Variants in BUD13 observed in about 807,000 individuals in gnomAD.
The protein encoded by BUD13 is BUD13 spliceosome associated protein, also known as BUD13 homolog.
In BUD13, 47 loss-of-function variants were observed where a neutral mutation model predicts 62.5. That is an observed-to-expected ratio of 0.75 (90% CI 0.60 to 0.96). The LOEUF (loss-of-function observed/expected upper bound fraction) is 0.96. BUD13 is among the 40% of genes least tolerant of loss of function. The pLI is 0.00. For missense variants in BUD13, 821 were observed against 790.9 expected (o/e 1.04, Z -0.46); for synonymous variants, 293 against 280.1 (o/e 1.05, Z -0.46).
At chr11:116,757,288 T>G (rs1446565236) in intron 8 of BUD13, 61 bp from the exon 9 acceptor site, 3 of 1,477,370 alleles carry the variant, frequency 2.0e-6, no homozygotes, top group Admixed American at 1.8e-5. Flanking sequence ...CAGAGCTGGA[T>G]GGCAATGTGG....
At chr11:116,770,331 T>C in intron 1 of BUD13, 109 bp from the exon 2 acceptor site, 2 of 872,636 alleles carry the variant, frequency 2.3e-6, no homozygotes, top group Non-Finnish European at 3.4e-6. Context: ...TCCTGCATGG[T>C]CCAGTCTTTG....
intron 9 of BUD13, among the ~76,000 whole-genome samples, chr11:116,756,883 C>G (rs1476108155): frequency 6.6e-6 from 1 of 152,144 alleles, no homozygotes; most frequent in African/African-American, 2.4e-5. Flanking sequence ...TAAAAGTAAC[C>G]AATGTCCAAA....
chr11:116,759,884 C>T (rs918143), intron 5 of BUD13, among the ~76,000 whole-genome samples: 61,928 of 151,980 alleles, frequency 0.41, 12,961 homozygotes, highest in Non-Finnish European at 0.45. Flanking sequence ...CTTCTACAGA[C>T]AAGATTTACC....
Position 116,758,270 on chromosome 11 carries a change from C to T in BUD13, c.1498G>A (p.Gly500Arg). 1.2e-6 allele frequency: 2 copies of T among 1,614,138 alleles called. No individual in the cohort carries two copies. The highest frequency in any genetic ancestry group is 1.7e-6 in the Non-Finnish European group (2 of 1,180,012). Residue 500 changes from glycine to arginine, a missense_variant and splice_region_variant, in exon 7 of 10, where the codon GGG becomes AGG. Coordinates refer to ENST00000260210, the MANE Select transcript of BUD13 (RefSeq NM_032725.4). ...TTACCCTTTCAGTGGTTCCCTTACC[C>T]TTTTCCCCACTGGGCATACAGCTCA... ...RDELYAQWGK[G>R]LAQSRQQQQN...
intron 8 of BUD13, 152 bp downstream of exon 8, chr11:116,757,614 T>C: frequency 9.2e-7 from 1 of 1,083,528 alleles, no homozygotes. Flanking sequence ...AAAATTTTTA[T>C]ATAGAAAGAC....
intron 7 of BUD13, 47 bp downstream of exon 7, chr11:116,758,222 T>C (rs570413688): frequency 1.5e-5 from 24 of 1,605,334 alleles, no homozygotes; most frequent in Middle Eastern, 1.7e-4. Context: ...AGAAATGACT[T>C]GTTCCAGTCA....
At chr11:116,772,778 G>C (rs369997328) in intron 1 of BUD13, 44 bp downstream of exon 1, 2 of 1,478,504 alleles carry the variant, frequency 1.4e-6, no homozygotes, top group Non-Finnish European at 1.8e-6. Flanking sequence ...TTGGGAAGGG[G>C]TGGCTAGACG....
chr11:116,757,494 TG>T (rs1302966133), intron 8 of BUD13, among the ~76,000 whole-genome samples: 16 of 149,794 alleles, frequency 1.1e-4, no homozygotes, highest in Admixed American at 3.4e-4. Flanking sequence ...TTAGTAGAGA[TG>T]GGGTTTCACC....
intron 9 of BUD13, among the ~76,000 whole-genome samples, chr11:116,753,379 G>A (rs189693121): frequency 8.0e-4 from 122 of 152,216 alleles, no homozygotes; most frequent in African/African-American, 2.7e-3. Context: ...AATACCATCA[G>A]GCCAATTAAA....
intron 1 of BUD13, among the ~76,000 whole-genome samples, chr11:116,771,715 G>C (rs1396726529): frequency 2.0e-5 from 3 of 152,192 alleles, no homozygotes; most frequent in Non-Finnish European, 4.4e-5. Flanking sequence ...CAGCGAGGCA[G>C]AAAGACGAAG....
chr11:116,760,389 C>T (rs1458299492), intron 5 of BUD13, among the ~76,000 whole-genome samples: 26 of 152,172 alleles, frequency 1.7e-4, no homozygotes, highest in Non-Finnish European at 2.1e-4. Flanking sequence ...GTATGTGATC[C>T]GTTTGACACA....
rs1940173735 is a variant in BUD13, at chr11:116,748,204, A to G, written c.*278T>C. The G allele has an allele frequency of 6.0e-6, 2 of 332,120 alleles. No individual in the cohort carries two copies. Among genetic ancestry groups the G allele is most frequent in the African/African-American group, 2.1e-5 (1 of 47,180 alleles). The allele number at this position is 332,120 out of a possible 1,614,324, so 20.6% of individuals were successfully genotyped here. A position where few individuals can be genotyped will look rare whatever the true frequency, so the allele number is the denominator to read the frequency against. The stretch of plus-strand genomic sequence containing the variant: ...AAAAATAAATACATGTTTATTTAAA[A>G]AAGAAAAAGAAAAACCCTACCAAGA... On this transcript the variant is annotated 3_prime_UTR_variant, in exon 10 of 10. Coordinates refer to ENST00000260210, the MANE Select transcript of BUD13 (RefSeq NM_032725.4).
At chr11:116,765,328 T>C (rs1182295762) in intron 3 of BUD13, 34 bp downstream of exon 3, 2 of 1,606,136 alleles carry the variant, frequency 1.2e-6, no homozygotes, top group African/African-American at 2.7e-5. Context: ...CCCCTACTAA[T>C]GGAAATTTAG....
intron 2 of BUD13, 73 bp downstream of exon 2, chr11:116,770,056 C>CAAAAAAA: frequency 3.5e-6 from 3 of 853,186 alleles, no homozygotes; most frequent in East Asian, 3.3e-5. Context: ...GACTCCGTCT[C>CAAAAAAA]AAAAAAAAAA....
rs200529528 is a variant in BUD13, at chr11:116,772,939, T to A, written c.26A>T (p.Lys9Met). The change falls in exon 1 of 10, where the codon AAG (lysine) becomes ATG (methionine). Residue 9 changes from lysine (K) to methionine (M), a missense_variant. Physicochemically the swap from Lys to Met is moderately conservative, Grantham distance 95. Coordinates refer to ENST00000260210, the MANE Select transcript of BUD13 (RefSeq NM_032725.4). MAAAPPLS[K>M]AEYLKRYLSG... ...CAAGTAACGCTTCAGATACTCGGCC[T>A]TGGAAAGCGGCGGAGCTGCCGCCAT... 9.1e-5 allele frequency: 144 copies of A among 1,575,836 alleles called. 1 individual carries two copies. The Admixed American group carries it at 1.5e-3, about 16-fold the overall frequency.
chr11:116,760,024 G>C (rs1242117884), intron 5 of BUD13, among the ~76,000 whole-genome samples: 1 of 152,164 alleles, frequency 6.6e-6, no homozygotes, highest in Non-Finnish European at 1.5e-5. Context: ...GGTTCATATG[G>C]ATTTTGGGGT....
intron 8 of BUD13, among the ~76,000 whole-genome samples, 174 bp downstream of exon 8, chr11:116,757,592 G>A (rs939867415): frequency 5.9e-5 from 9 of 151,972 alleles, no homozygotes; most frequent in South Asian, 2.1e-4. Context: ...GAGCCACTGC[G>A]CCTGGCCTGG....
Position 116,768,016 on chromosome 11 carries a change from A to ATAAT in BUD13, c.237+2112_237+2113insATTA, listed in dbSNP as rs1197275255. On this transcript the variant is annotated intron_variant, in intron 2 of 9. Transcript: ENST00000260210. Reference sequence around the variant, plus strand: ...AATAATAATAATAATAATAATAATAATAGTGCTCTAATATTGACGACGTAG... The same window carrying ATAAT: ...AATAATAATAATAATAATAATAATAATAATTAGTGCTCTAATATTGACGACGTAG... 1.5e-4 allele frequency among the ~76,000 whole-genome samples: 20 copies of ATAAT among 132,752 alleles called. No individual in the cohort carries two copies. In the Admixed American group the frequency reaches 1.5e-3, roughly 10 times the overall value. 87.1% of individuals were successfully genotyped at this position (132,752 alleles called of 152,430 possible). A position where few individuals can be genotyped will look rare whatever the true frequency, so the allele number is the denominator to read the frequency against.
chr11:116,760,095 A>AAC (rs1940404227), intron 5 of BUD13, among the ~76,000 whole-genome samples: 1 of 152,204 alleles, frequency 6.6e-6, no homozygotes, highest in Non-Finnish European at 1.5e-5. Context: ...CTTCTCAGAC[A>AAC]ACATGATTTC....
Sources: allele counts gnomAD v4.1 joint callset (sites outside exome capture counted in the v4.1 genomes callset), GRCh38; gene constraint gnomAD v4.1.1; transcripts MANE v1.5; gene names NCBI Gene and HGNC (gene_info 2026-07-23, HGNC 2026-07-21).